Variants in DNAH14 observed in about 807,000 individuals in gnomAD.
DNAH14 encodes axonemal beta dynein heavy chain 14.
In DNAH14, 478 loss-of-function variants were observed where a neutral mutation model predicts 520.9. That is an observed-to-expected ratio of 0.92 (90% CI 0.85 to 0.99). The LOEUF (loss-of-function observed/expected upper bound fraction) is 0.99, where lower values mean the gene tolerates loss of function less well. DNAH14 is among the 50% of genes least tolerant of loss of function. The pLI is 0.00. For missense variants in DNAH14, 4,831 were observed against 5,234.5 expected, an observed-to-expected ratio of 0.92 and a Z score of 2.38; for synonymous variants, 1,581 against 1,757.2, an observed-to-expected ratio of 0.90 and a Z score of 2.51.
chr1:224,975,777 T>G (rs1295077232), intron 8 of DNAH14, among the ~76,000 whole-genome samples: 1 of 151,466 alleles, frequency 6.6e-6, no homozygotes, highest in African/African-American at 2.4e-5. Flanking sequence ...AGCTTTTGAT[T>G]GTGTTTGCTC....
At chr1:225,130,105 A>G (rs2078227134) in intron 27 of DNAH14, among the ~76,000 whole-genome samples, 1 of 152,266 alleles carries the variant, frequency 6.6e-6, no homozygotes, top group East Asian at 1.9e-4. Flanking sequence ...AATGCAAATC[A>G]AAACCACAAT....
chr1:225,076,058 T>G (rs951328845), intron 17 of DNAH14, among the ~76,000 whole-genome samples: 1 of 152,104 alleles, frequency 6.6e-6, no homozygotes, highest in African/African-American at 2.4e-5. Flanking sequence ...CTTGAGCTTG[T>G]ATCCCTGGGG....
rs1177548957 is a variant in DNAH14 at position 225,323,081 on chromosome 1, C to T, written c.9495+258C>T. On this transcript the variant is annotated intron_variant, in intron 62 of 85. Transcript: ENST00000682510. ...TATCTAACTCCAAACTGTGTGATAC[C>T]GTTTAGAAATAGAGATGGACCTGTG... is the stretch of plus-strand genomic sequence containing the variant. Among the ~76,000 whole-genome samples, 7 of 152,056 alleles carry T rather than the reference C, an allele frequency of 4.6e-5. No homozygotes were observed. In the South Asian group the frequency reaches 6.2e-4, roughly 14 times the overall value.
At chr1:225,196,039 G>C (rs1456370024) in intron 38 of DNAH14, among the ~76,000 whole-genome samples, 1 of 151,694 alleles carries the variant, frequency 6.6e-6, no homozygotes, top group Non-Finnish European at 1.5e-5. Context: ...ATTTCCATAG[G>C]TTATTGGGGA....
At chr1:225,394,313 T>C (rs2095971587) in intron 84 of DNAH14, among the ~76,000 whole-genome samples, 1 of 152,220 alleles carries the variant, frequency 6.6e-6, no homozygotes, top group African/African-American at 2.4e-5. Context: ...GTACATGTAT[T>C]GAAAGCATCT....
chr1:225,002,969 G>A (rs1296653923), intron 9 of DNAH14, 42 bp downstream of exon 9: 2 of 1,394,926 alleles, frequency 1.4e-6, no homozygotes, highest in African/African-American at 3.0e-5. Flanking sequence ...TTGGTATATA[G>A]AAACTAGGAA....
intron 64 of DNAH14, among the ~76,000 whole-genome samples, chr1:225,328,503 A>G (rs1013991201): frequency 6.6e-6 from 1 of 152,156 alleles, no homozygotes; most frequent in Non-Finnish European, 1.5e-5. Flanking sequence ...TTAGCTTACT[A>G]GTTAACTCCA....
intron 36 of DNAH14, among the ~76,000 whole-genome samples, chr1:225,172,503 C>T (rs1302354731): frequency 1.3e-5 from 2 of 152,116 alleles, no homozygotes; most frequent in African/African-American, 4.8e-5. Context: ...TGAGTGAACT[C>T]CCATTCACAA....
chr1:224,997,434 T>TG (rs374639594), intron 8 of DNAH14, among the ~76,000 whole-genome samples: 17 of 150,488 alleles, frequency 1.1e-4, no homozygotes, highest in East Asian at 2.0e-4. Context: ...GCAGGTTTTT[T>TG]TTTGTTTGTT....
chr1:225,069,140 C>A (rs11588063), intron 17 of DNAH14, among the ~76,000 whole-genome samples: 120,278 of 150,444 alleles, frequency 0.8, 51,716 homozygotes, highest in Non-Finnish European at 0.96. Flanking sequence ...TTCTAAATAT[C>A]GGATCATGCC....
chr1:224,992,202 A>C (rs1017803617), intron 8 of DNAH14, among the ~76,000 whole-genome samples: 1 of 152,070 alleles, frequency 6.6e-6, no homozygotes, highest in South Asian at 2.1e-4. Context: ...CTTTTTGCCC[A>C]TAATTGCCTT....
chr1:225,042,499 G>A (rs966806326), intron 12 of DNAH14, among the ~76,000 whole-genome samples: 1 of 152,168 alleles, frequency 6.6e-6, no homozygotes, highest in Admixed American at 6.5e-5. Context: ...ATGATTAAGA[G>A]TCCTGGGCCC....
At chr1:225,196,585 T>C (rs966514391) in intron 38 of DNAH14, among the ~76,000 whole-genome samples, 10 of 152,110 alleles carry the variant, frequency 6.6e-5, no homozygotes, top group Non-Finnish European at 4.4e-5. Flanking sequence ...CTTTAAGAAA[T>C]CTCCACACTG....
At position 225,259,159 on chromosome 1, in the gene DNAH14, A is replaced by G. The variant is rs1335829345; in HGVS notation, c.7063A>G (p.Met2355Val). The stretch of plus-strand genomic sequence containing the variant: ...TGGGAAAACTGCTGCCATTAATCAA[A>G]TGCTTGAAAAGCTAGAGGGTCCAGG... The part of the protein sequence containing the change: ...GVGKTAAINQ[M>V]LEKLEGPGAF... The change falls in exon 46 of 86, where the codon ATG (methionine) becomes GTG (valine). Residue 2355 changes from methionine (M) to valine (V), a missense_variant. Transcript: ENST00000682510. 1.9e-6 allele frequency: 3 copies of G among 1,546,222 alleles called. No homozygotes were observed. The highest frequency in any genetic ancestry group is 1.2e-5 in the South Asian group (1 of 82,802).
intron 36 of DNAH14, among the ~76,000 whole-genome samples, chr1:225,179,286 C>A (rs35553993): frequency 0.13 from 19,429 of 152,042 alleles, 1,395 homozygotes; most frequent in East Asian, 0.31. Context: ...TTTTGTAACT[C>A]CTCTTTTCCT....
chr1:225,239,746 C>G (rs1232786533), intron 42 of DNAH14, among the ~76,000 whole-genome samples: 1 of 152,158 alleles, frequency 6.6e-6, no homozygotes, highest in Non-Finnish European at 1.5e-5. Context: ...AATAACCACT[C>G]AAATATTTGC....
intron 28 of DNAH14, among the ~76,000 whole-genome samples, chr1:225,141,432 G>A (rs1359678539): frequency 1.5e-5 from 2 of 137,748 alleles, no homozygotes; most frequent in Non-Finnish European, 3.1e-5. Context: ...TATATAGAGG[G>A]TCTGGAACTA....
At chr1:225,192,980 T>C in intron 38 of DNAH14, 69 bp downstream of exon 38, 1 of 1,217,350 alleles carries the variant, frequency 8.2e-7, no homozygotes, top group Non-Finnish European at 1.1e-6. Context: ...ATCCAAAGAC[T>C]GATATTAAAA....
chr1:224,965,171 T>G (rs572669151), intron 5 of DNAH14, among the ~76,000 whole-genome samples: 1 of 152,198 alleles, frequency 6.6e-6, no homozygotes, highest in Admixed American at 6.5e-5. Flanking sequence ...GAGACCTCAT[T>G]TATTACAGGT....
Sources: allele counts gnomAD v4.1 joint callset (sites outside exome capture counted in the v4.1 genomes callset), GRCh38; gene constraint gnomAD v4.1.1; transcripts MANE v1.5; gene names NCBI Gene and HGNC (gene_info 2026-07-23, HGNC 2026-07-21).